HFM1: variants seen among roughly 807,000 people sequenced by gnomAD.
HFM1 encodes the protein helicase for meiosis 1, also known as probable ATP-dependent DNA helicase HFM1.
In HFM1, 169 loss-of-function variants were observed where a neutral mutation model predicts 192.1. The observed-to-expected ratio is 0.88, with a 90% confidence interval of 0.78 to 1.00. The LOEUF (loss-of-function observed/expected upper bound fraction) is 1.00. Among genes scored for constraint, HFM1 ranks in the 50% least tolerant of loss-of-function variants. The pLI, the probability that HFM1 is intolerant of heterozygous loss-of-function variation, is 0.00. For missense variants in HFM1, 1,661 were observed against 1,668.0 expected (o/e 1.00, Z 0.07); for synonymous variants, 525 against 537.8 (o/e 0.98, Z 0.33).
intron 33 of HFM1, among the ~76,000 whole-genome samples, chr1:91,274,397 C>A (rs1666608525): frequency 6.6e-6 from 1 of 152,000 alleles, no homozygotes; most frequent in African/African-American, 2.4e-5. Flanking sequence ...AAAGGTTAGA[C>A]TGTACACCAA....
At chr1:91,367,936 C>T (rs1184486323) in intron 13 of HFM1, among the ~76,000 whole-genome samples, 4 of 152,042 alleles carry the variant, frequency 2.6e-5, no homozygotes, top group Non-Finnish European at 4.4e-5. Context: ...AACCACAGCA[C>T]GAGAACTATG....
At chr1:91,290,467 A>G (rs539674912) in intron 30 of HFM1, among the ~76,000 whole-genome samples, 58 of 152,354 alleles carry the variant, frequency 3.8e-4, no homozygotes, top group African/African-American at 1.4e-3. Flanking sequence ...CCATTAATCA[A>G]TGGTAAAGGG....
upstream of HFM1, among the ~76,000 whole-genome samples, chr1:91,407,747 C>T (rs893558179): frequency 1.3e-5 from 2 of 152,094 alleles, no homozygotes; most frequent in African/African-American, 2.4e-5. Flanking sequence ...CGTTCAAGTC[C>T]CTGCTTTCAA....
intron 20 of HFM1, among the ~76,000 whole-genome samples, chr1:91,340,423 G>A (rs1218755203): frequency 6.6e-6 from 1 of 152,156 alleles, no homozygotes; most frequent in South Asian, 2.1e-4. Flanking sequence ...GGAATTGTTT[G>A]CATCAGACCT....
At chr1:91,296,720 G>A (rs1647643700) in intron 30 of HFM1, among the ~76,000 whole-genome samples, 1 of 152,148 alleles carries the variant, frequency 6.6e-6, no homozygotes, top group East Asian at 1.9e-4. Context: ...TAGTTTTCAT[G>A]TAGTGGTCTT....
chr1:91,352,801 A>T, intron 15 of HFM1, 150 bp from the exon 16 acceptor site: 1 of 648,814 alleles, frequency 1.5e-6, no homozygotes, highest in Non-Finnish European at 2.5e-6. Flanking sequence ...CTAAAATAGT[A>T]ACACACCTTA....
chr1:91,372,742 AG>A (rs1276415984), intron 13 of HFM1, among the ~76,000 whole-genome samples: 1 of 152,232 alleles, frequency 6.6e-6, no homozygotes, highest in Non-Finnish European at 1.5e-5. Context: ...AATAAAAAAA[AG>A]AAAATTCATA....
chr1:91,400,981 ACTATG>A, intron 2 of HFM1, 26 bp downstream of exon 2: 2 of 1,078,488 alleles, frequency 1.9e-6, no homozygotes, highest in Non-Finnish European at 2.7e-6. Flanking sequence ...AAAGTAATAT[ACTATG>A]CTATCAATCT....
intron 20 of HFM1, chr1:91,328,936 C>T (rs953852363): frequency 1.8e-5 from 29 of 1,611,762 alleles, no homozygotes; most frequent in African/African-American, 1.7e-4. Flanking sequence ...GCTTCACCTT[C>T]GGCAGCCCTG....
At chr1:91,360,834 T>C (rs1474945360) in intron 13 of HFM1, among the ~76,000 whole-genome samples, 1 of 152,128 alleles carries the variant, frequency 6.6e-6, no homozygotes, top group Non-Finnish European at 1.5e-5. Context: ...ATGGAAATCA[T>C]AACAAACAGT....
Position 91,396,285 on chromosome 1 carries a change from T to C in HFM1, c.184+8A>G. 7.4e-7 allele frequency: 1 copy of C among 1,359,616 alleles called. No individual in the cohort carries two copies. The allele number at this position is 1,359,616 out of a possible 1,614,324, so 84.2% of individuals were successfully genotyped here. A position where few individuals can be genotyped will look rare whatever the true frequency, so the allele number is the denominator to read the frequency against. Reference sequence around the variant, plus strand: ...GTTTGGCTTCAAAACAAATATGTGATAATTTACCTAACAGTTTATGACTTT... The same window carrying C: ...GTTTGGCTTCAAAACAAATATGTGACAATTTACCTAACAGTTTATGACTTT... On this transcript the variant is annotated splice_region_variant and intron_variant, in intron 3 of 38. Coordinates refer to ENST00000370425, the MANE Select transcript of HFM1 (RefSeq NM_001017975.6).
chr1:91,371,954 A>G (rs1660272346), intron 13 of HFM1, among the ~76,000 whole-genome samples: 1 of 152,246 alleles, frequency 6.6e-6, no homozygotes, highest in East Asian at 1.9e-4. Flanking sequence ...TCTCAAAAGA[A>G]GACATTTATG....
At chr1:91,297,196 A>G (rs891320973) in intron 30 of HFM1, among the ~76,000 whole-genome samples, 3 of 152,190 alleles carry the variant, frequency 2.0e-5, no homozygotes, top group Non-Finnish European at 4.4e-5. Context: ...GCTCATTGCT[A>G]GCACAGCAGT....
rs201434239 is a variant in HFM1, at chr1:91,353,013, A to T, written c.1831+38T>A. On this transcript the variant is annotated intron_variant, in intron 15 of 38. Coordinates refer to ENST00000370425, the MANE Select transcript of HFM1 (RefSeq NM_001017975.6). ...TTCCTCTTAAAAATAATTTTCCAAA[A>T]TATTTTATAGTATCCACGAGAAATA... The T allele has an allele frequency of 4.6e-5, 59 of 1,292,718 alleles. No homozygotes were observed. The Admixed American group carries it at 1.2e-3, about 27-fold the overall frequency. 80.1% of individuals were successfully genotyped at this position (1,292,718 alleles called of 1,614,324 possible).
intron 32 of HFM1, 82 bp from the exon 33 acceptor site, chr1:91,274,891 G>C: frequency 1.6e-6 from 1 of 608,230 alleles, no homozygotes; most frequent in South Asian, 2.7e-5. Context: ...CAAAATTCCT[G>C]CTGGTACATA....
chr1:91,401,601 G>A (rs990776700), intron 1 of HFM1, among the ~76,000 whole-genome samples: 4 of 152,154 alleles, frequency 2.6e-5, no homozygotes, highest in Non-Finnish European at 5.9e-5. Context: ...AAATAAAGGG[G>A]AGAGATGAAG....
Position 91,274,791 on chromosome 1 carries a change from G to C in HFM1, c.3607C>G (p.Gln1203Glu). ...KRLKIQMNKS[Q>E]SVDLKEFGFT... ...CCAAACTCTTTAAGGTCCACACTTT[G>C]AGATTTATTCATCTGTATCTATTAA... Residue 1203 changes from glutamine (Q) to glutamate (E), a missense_variant, in exon 33 of 39, where the codon CAA becomes GAA. Coordinates refer to ENST00000370425, the MANE Select transcript of HFM1 (RefSeq NM_001017975.6). 1.3e-6 allele frequency: 2 copies of C among 1,567,320 alleles called. No homozygotes were observed. The highest frequency in any genetic ancestry group is 2.7e-5 in the African/African-American group (2 of 74,104).
intron 30 of HFM1, among the ~76,000 whole-genome samples, chr1:91,291,484 C>G (rs1668746595): frequency 6.6e-6 from 1 of 152,184 alleles, no homozygotes; most frequent in African/African-American, 2.4e-5. Flanking sequence ...CACATACACT[C>G]TCCCAAGACT....
At chr1:91,403,932 C>T (rs12760267) in intron 1 of HFM1, among the ~76,000 whole-genome samples, 30,043 of 151,946 alleles carry the variant, frequency 0.2, 3,720 homozygotes, top group South Asian at 0.35. Flanking sequence ...AATTGCAGGC[C>T]TATTACTTCT....
Sources: allele counts gnomAD v4.1 joint callset (sites outside exome capture counted in the v4.1 genomes callset), GRCh38; gene constraint gnomAD v4.1.1; transcripts MANE v1.5; gene names NCBI Gene and HGNC (gene_info 2026-07-23, HGNC 2026-07-21).